Variants in DPH6 observed in about 807,000 individuals in gnomAD.
DPH6 encodes the protein diphthine--ammonia ligase.
A neutral mutation model predicts 38.2 loss-of-function variants in DPH6; 33 were observed. The observed-to-expected ratio is 0.86, with a 90% CI of 0.65 to 1.15. DPH6 has a LOEUF of 1.15. DPH6 is among the 50% of genes most tolerant of loss of function. The probability of loss-of-function intolerance (pLI) is 0.00; values close to 1 mark genes in which losing one functional copy is unlikely to be tolerated. For synonymous variants in DPH6, 108 were observed against 103.0 expected (o/e 1.05, Z -0.30); for missense variants, 325 against 320.0 (o/e 1.02, Z -0.12).
At chr15:35,254,576 G>A (rs534164299) in intron 3 of DPH6, among the ~76,000 whole-genome samples, 4 of 152,282 alleles carry the variant, frequency 2.6e-5, no homozygotes, top group Non-Finnish European at 5.9e-5. Flanking sequence ...AGCAAAATGT[G>A]TTTGCAACTC....
intron 7 of DPH6, among the ~76,000 whole-genome samples, chr15:35,374,092 T>C (rs144070898): frequency 1.3e-3 from 201 of 152,136 alleles, no homozygotes; most frequent in Middle Eastern, 0.01. Flanking sequence ...TGCAGTATCA[T>C]TGCTATTAAA....
At chr15:35,511,201 G>A (rs1188256095) in intron 3 of DPH6, among the ~76,000 whole-genome samples, 2 of 152,090 alleles carry the variant, frequency 1.3e-5, no homozygotes, top group African/African-American at 4.8e-5. Context: ...AGTTTATCTG[G>A]TTTCACAGCT....
rs187937140 is a variant in DPH6, at chr15:35,472,648, T to C, written c.313-17828A>G. On this transcript the variant is annotated intron_variant, in intron 3 of 8. Coordinates refer to ENST00000256538, the MANE Select transcript of DPH6 (RefSeq NM_080650.4). The stretch of plus-strand genomic sequence containing the variant: ...AAGATGAGCATAAAAACTTTAACAG[T>C]ATGTAATCATTTAAGGAAAATTGAA... 1.5e-3 allele frequency among the ~76,000 whole-genome samples: 222 copies of C among 152,188 alleles called. 2 individuals carry two copies. Among genetic ancestry groups the C allele is most frequent in the African/African-American group, 5.2e-3 (215 of 41,536 alleles).
intron 3 of DPH6, among the ~76,000 whole-genome samples, chr15:35,317,190 C>T (rs749990200): frequency 4.0e-5 from 6 of 151,400 alleles, no homozygotes; most frequent in Admixed American, 2.0e-4. Flanking sequence ...GCCTGGAAGG[C>T]GGAGGTTGCA....
intron 3 of DPH6, among the ~76,000 whole-genome samples, chr15:35,472,020 G>A (rs7165858): frequency 0.018 from 2,780 of 152,126 alleles, 87 homozygotes; most frequent in African/African-American, 0.062. Flanking sequence ...CTTTAGCTGC[G>A]TTGTGCTACA....
downstream of DPH6, among the ~76,000 whole-genome samples, chr15:35,326,078 C>A (rs2052279883): frequency 6.6e-6 from 1 of 152,180 alleles, no homozygotes; most frequent in African/African-American, 2.4e-5. Context: ...GGAACAAAAA[C>A]AATACATTGC....
At chr15:35,267,222 G>C (rs969726137) in intron 3 of DPH6, among the ~76,000 whole-genome samples, 2 of 152,178 alleles carry the variant, frequency 1.3e-5, no homozygotes, top group African/African-American at 4.8e-5. Flanking sequence ...TGTTGTGAGT[G>C]GGCAGGGAGG....
At chr15:35,153,841 A>T in the DPH6 span, among the ~76,000 whole-genome samples, 1 of 152,148 alleles carries the variant, frequency 6.6e-6, no homozygotes, top group African/African-American at 2.4e-5. Context: ...GAGGTAGGGG[A>T]TTTTGTTGTG....
intron 4 of DPH6, among the ~76,000 whole-genome samples, chr15:35,452,843 T>C (rs758781206): frequency 2.0e-5 from 3 of 152,248 alleles, no homozygotes; most frequent in Non-Finnish European, 4.4e-5. Context: ...CATGATATTT[T>C]GAACTGTTAA....
chr15:35,184,320 G>C, the DPH6 span, among the ~76,000 whole-genome samples: 3 of 152,122 alleles, frequency 2.0e-5, no homozygotes, highest in African/African-American at 7.2e-5. Flanking sequence ...TTCAAAGAAA[G>C]AAAAAGAAAC....
chr15:35,491,887 CA>C (rs2030513996), intron 3 of DPH6, among the ~76,000 whole-genome samples: 1 of 150,742 alleles, frequency 6.6e-6, no homozygotes. Flanking sequence ...TATACACGTA[CA>C]TATATATATC....
At chr15:35,454,850 A>T in intron 3 of DPH6, 30 bp from the exon 4 acceptor site, 1 of 1,535,302 alleles carries the variant, frequency 6.5e-7, no homozygotes, top group Non-Finnish European at 8.9e-7. Context: ...CCATAACTTT[A>T]AAAATAAAGT....
At chr15:35,461,701 G>A (rs2054069077) in intron 3 of DPH6, among the ~76,000 whole-genome samples, 2 of 151,958 alleles carry the variant, frequency 1.3e-5, no homozygotes, top group Admixed American at 6.6e-5. Flanking sequence ...AAGGAAGGGG[G>A]TACGGACTTC....
intron 3 of DPH6, among the ~76,000 whole-genome samples, chr15:35,319,102 G>T (rs183359653): frequency 1.2e-4 from 18 of 152,158 alleles, no homozygotes; most frequent in African/African-American, 4.1e-4. Context: ...GAATGTGCAG[G>T]ATTGTTCTAA....
intron 2 of DPH6, among the ~76,000 whole-genome samples, chr15:35,539,664 T>C (rs547684632): frequency 6.6e-6 from 1 of 152,174 alleles, no homozygotes; most frequent in Admixed American, 6.6e-5. Flanking sequence ...CAAAATGCTA[T>C]TAAAAAAATT....
At chr15:35,258,254 C>A (rs1021255734) in intron 3 of DPH6, among the ~76,000 whole-genome samples, 1 of 152,098 alleles carries the variant, frequency 6.6e-6, no homozygotes, top group African/African-American at 2.4e-5. Flanking sequence ...TATTACAGCA[C>A]AAGGAATAGC....
At chr15:35,456,510 T>TG in intron 3 of DPH6, among the ~76,000 whole-genome samples, 1 of 150,414 alleles carries the variant, frequency 6.6e-6, no homozygotes, top group East Asian at 1.9e-4. Flanking sequence ...TTTTTTGAGA[T>TG]GGAGTCTTGC....
chr15:35,472,495 A>G (rs911433043), intron 3 of DPH6, among the ~76,000 whole-genome samples: 21 of 152,114 alleles, frequency 1.4e-4, no homozygotes, highest in African/African-American at 4.8e-4. Context: ...AGTACCTCCA[A>G]CTGGCCAAAT....
At chr15:35,447,230 A>G (rs1199981571) in intron 5 of DPH6, among the ~76,000 whole-genome samples, 1 of 152,160 alleles carries the variant, frequency 6.6e-6, no homozygotes, top group Non-Finnish European at 1.5e-5. Context: ...TTCTCTCAAC[A>G]TCAGTTAGGT....
Sources: gnomAD v4.1 joint callset for allele counts (sites outside exome capture counted in the v4.1 genomes callset) on GRCh38, gnomAD v4.1.1 for gene constraint, MANE v1.5 for transcripts, NCBI Gene and HGNC (gene_info 2026-07-23, HGNC 2026-07-21) for gene names.